VWF: variants seen among roughly 807,000 people sequenced by gnomAD.
VWF encodes Factor VIII related antigen.
VWF carries 176 observed loss-of-function variants against 308.6 expected under a neutral mutation model. The observed-to-expected ratio is 0.57, with a 90% CI of 0.50 to 0.65. The LOEUF (loss-of-function observed/expected upper bound fraction) is 0.65, where lower values mean the gene tolerates loss of function less well. VWF is among the 30% of genes least tolerant of loss of function. VWF has a pLI of 0.00. For synonymous variants in VWF, 1,385 were observed against 1,443.4 expected (o/e 0.96, Z 0.92); for missense variants, 3,146 against 3,648.2 (o/e 0.86, Z 3.55).
In VWF at chr12:6,099,351, C is replaced by T. The variant is rs151296053; in HGVS notation, c.533-3767G>A. On this transcript the variant is annotated intron_variant, in intron 5 of 51. Coordinates refer to ENST00000261405, the MANE Select transcript of VWF (RefSeq NM_000552.5). Reference sequence around the variant, plus strand: ...AAAAAAAAAAAAAAAACCAAGGAAGCAAAAGTTTGTTAACCTAGTCTAAGT... The same window carrying T: ...AAAAAAAAAAAAAAAACCAAGGAAGTAAAAGTTTGTTAACCTAGTCTAAGT... 2.0e-3 allele frequency among the ~76,000 whole-genome samples: 288 copies of T among 147,520 alleles called. 2 individuals are homozygous for T. Among genetic ancestry groups the T allele is most frequent in the African/African-American group, 6.9e-3 (276 of 40,108 alleles).
In VWF at chr12:6,012,130, C is replaced by A; in HGVS notation, c.5621G>T (p.Gly1874Val). The change falls in exon 33 of 52, where the codon GGA (glycine) becomes GTA (valine). Residue 1874 changes from glycine to valine, a missense_variant and splice_region_variant. Gly to Val is a moderately radical substitution (Grantham distance 109, BLOSUM62 -3). Coordinates refer to ENST00000261405, the MANE Select transcript of VWF (RefSeq NM_000552.5). ...CTCATCCATGCAAATCCTAACAAAT[C>A]CTGCAACAGACACAAATAAGACCTT... The part of the protein sequence containing the change: ...GNSFLHKLCS[G>V]FVRICMDEDG... 6.2e-7 allele frequency: 1 copy of A among 1,614,032 alleles called. No individual in the cohort carries two copies. The highest frequency in any genetic ancestry group is 8.5e-7 in the Non-Finnish European group (1 of 1,179,908).
chr12:6,004,902 A>G (rs1361996808), intron 34 of VWF, among the ~76,000 whole-genome samples: 1 of 152,140 alleles, frequency 6.6e-6, no homozygotes, highest in Non-Finnish European at 1.5e-5. Context: ...ACCTGAAAAC[A>G]CTTCTAGAAG....
At chr12:6,053,625 C>T (rs1254203766) in intron 15 of VWF, among the ~76,000 whole-genome samples, 1 of 152,308 alleles carries the variant, frequency 6.6e-6, no homozygotes, top group South Asian at 2.1e-4. Flanking sequence ...GCTAAGGGAA[C>T]GGGCTCTGTA....
intron 10 of VWF, among the ~76,000 whole-genome samples, chr12:6,066,154 A>G (rs567820816): frequency 2.1e-4 from 32 of 152,188 alleles, no homozygotes; most frequent in African/African-American, 7.5e-4. Flanking sequence ...GCCCCAGCCT[A>G]GGCCCCATAC....
chr12:5,968,188 G>A, intron 45 of VWF, 21 bp from the exon 46 acceptor site: 1 of 1,613,822 alleles, frequency 6.2e-7, no homozygotes, highest in South Asian at 1.1e-5. Context: ...GAAAAGTGCA[G>A]AGTGAGAGTG....
chr12:5,958,730 G>C lies in VWF; in HGVS notation c.7888-5136C>G, dbSNP rs75366511. Among the ~76,000 whole-genome samples the C allele has an allele frequency of 5.1e-3, 772 of 152,240 alleles. 9 individuals carry two copies. Among genetic ancestry groups the C allele is most frequent in the African/African-American group, 0.017 (727 of 41,558 alleles). On this transcript the variant is annotated intron_variant, in intron 47 of 51. Transcript: ENST00000261405. ...AACATAAAAGATTACTCTTCACTTA[G>C]GGGAAGCAGGGAAAGGATTTTTACC...
At chr12:6,106,361 C>T (rs1200703229) in intron 5 of VWF, among the ~76,000 whole-genome samples, 2 of 152,068 alleles carry the variant, frequency 1.3e-5, no homozygotes, top group Admixed American at 6.6e-5. Flanking sequence ...CTGTATGATT[C>T]CACTTATATG....
At chr12:6,105,536 T>G (rs1160353750) in intron 5 of VWF, among the ~76,000 whole-genome samples, 2 of 152,146 alleles carry the variant, frequency 1.3e-5, no homozygotes, top group Non-Finnish European at 2.9e-5. Flanking sequence ...ACGCCCGGCC[T>G]TATACAAATT....
chr12:6,010,455 C>G (rs1428067786), intron 34 of VWF, among the ~76,000 whole-genome samples: 1 of 152,200 alleles, frequency 6.6e-6, no homozygotes, highest in African/African-American at 2.4e-5. Context: ...CTGGGAATGT[C>G]TAAGGGGAAC....
At chr12:5,956,486 T>A (rs2136342917) in intron 47 of VWF, among the ~76,000 whole-genome samples, 1 of 152,172 alleles carries the variant, frequency 6.6e-6, no homozygotes, top group Non-Finnish European at 1.5e-5. Flanking sequence ...AGTTTTCATT[T>A]TTAACAAAAA....
In VWF at chr12:5,969,326, C is replaced by A. The variant is rs1325900198; in HGVS notation, c.7614G>T (p.Glu2538Asp). The change falls in exon 45 of 52, where the codon GAG becomes GAT. Residue 2538 changes from glutamate (E) to aspartate (D), a missense_variant. Coordinates refer to ENST00000261405, the MANE Select transcript of VWF (RefSeq NM_000552.5). ...CGTTCCTTTGTTGTATAAAGACCTC[C>A]TCCTTCACTCGGACACACTCATTGA... ...CLINECVRVKEEVFIQQRNVS... is the reference protein window; with the variant it reads ...CLINECVRVKDEVFIQQRNVS... 6.2e-7 allele frequency: 1 copy of A among 1,614,232 alleles called. No homozygotes were observed. The highest frequency in any genetic ancestry group is 2.2e-5 in the East Asian group (1 of 44,862).
rs1439202380 is a variant in VWF, at chr12:6,046,482, C to G, written c.2281+241G>C. Among the ~76,000 whole-genome samples the G allele has an allele frequency of 6.6e-6, 1 of 152,204 alleles. No homozygotes were observed. Among genetic ancestry groups the G allele is most frequent in the African/African-American group, 2.4e-5 (1 of 41,442 alleles). On this transcript the variant is annotated intron_variant, in intron 17 of 51. Transcript: ENST00000261405. This position sits in a 1 kb window ranked among gnomAD's most constrained non-coding sequence, Gnocchi z 5.0. ...CATAGAATTTATCTGCAGGTCTTTC[C>G]CCTTACACGAAATCAAATACTCCTT... is the stretch of plus-strand genomic sequence containing the variant.
intron 45 of VWF, 74 bp downstream of exon 45, chr12:5,969,137 T>A (rs1383463505): frequency 6.5e-7 from 1 of 1,534,030 alleles, no homozygotes; most frequent in East Asian, 2.4e-5. Context: ...GGCAAAGAAT[T>A]CAGGAGCCAA....
At chr12:6,052,961 C>T (rs185690660) in intron 15 of VWF, among the ~76,000 whole-genome samples, 178 bp from the exon 16 acceptor site, 64 of 152,328 alleles carry the variant, frequency 4.2e-4, no homozygotes, top group Middle Eastern at 3.4e-3. Context: ...CCCATGTACC[C>T]TTTACCCAGT....
chr12:5,985,132 A>T lies in VWF; in HGVS notation c.6902-13T>A, dbSNP rs763847575. 14 of 1,613,842 alleles carry T rather than the reference A, an allele frequency of 8.7e-6. No individual in the cohort carries two copies. Among genetic ancestry groups the T allele is most frequent in the Admixed American group, 5.0e-5 (3 of 60,000 alleles). On this transcript the variant is annotated splice_polypyrimidine_tract_variant and intron_variant, in intron 39 of 51. Coordinates refer to ENST00000261405, the MANE Select transcript of VWF (RefSeq NM_000552.5). ...CCACACGTGGGAGCTAGAGGAGAGG[A>T]ACGGCCACAAAAGTCAGAGAAATTA...
rs1262709350 is a variant in VWF, at chr12:6,063,928, CA to C, written c.1432+317del. On this transcript the variant is annotated intron_variant, in intron 12 of 51. Transcript: ENST00000261405. This position sits in a 1 kb window ranked among gnomAD's most constrained non-coding sequence, Gnocchi z 4.9. ...CCAGAGCAAACCAGAACCACCTGCC[CA>C]AGACTCAACTCGCCCCTTTGGTTCA... 2.0e-5 allele frequency among the ~76,000 whole-genome samples: 3 copies of C among 152,324 alleles called. No homozygotes were observed. Among genetic ancestry groups the C allele is most frequent in the East Asian group, 3.9e-4 (2 of 5,186 alleles).
At chr12:5,974,368 A>G (rs1943509859) in intron 43 of VWF, among the ~76,000 whole-genome samples, 2 of 152,094 alleles carry the variant, frequency 1.3e-5, no homozygotes, top group Non-Finnish European at 2.9e-5. Flanking sequence ...GAGCAATCAC[A>G]CGGTCAAGAG....
intron 47 of VWF, among the ~76,000 whole-genome samples, chr12:5,963,368 C>T (rs891717224): frequency 2.0e-5 from 3 of 152,172 alleles, no homozygotes; most frequent in African/African-American, 7.2e-5. Flanking sequence ...AGATGCTCCA[C>T]ATCATTAGCC....
chr12:6,092,673 G>GTGT (rs1356836169), intron 6 of VWF, among the ~76,000 whole-genome samples: 10 of 123,702 alleles, frequency 8.1e-5, no homozygotes, highest in East Asian at 4.3e-4. Context: ...GTGTGTGTGT[G>GTGT]CTGACCAGCA....
Sources: allele counts gnomAD v4.1 joint callset (sites outside exome capture counted in the v4.1 genomes callset), GRCh38; gene constraint gnomAD v4.1.1; non-coding constraint Gnocchi (gnomAD v3.1); transcripts MANE v1.5; gene names NCBI Gene and HGNC (gene_info 2026-07-23, HGNC 2026-07-21).